Variants in FBXL13 observed in about 807,000 individuals in gnomAD.
FBXL13 encodes the protein F-box and leucine rich repeat protein 13, also known as F-box and leucine-rich repeat protein 13.
A neutral mutation model predicts 83.6 loss-of-function variants in FBXL13; 67 were observed. That is an observed-to-expected ratio of 0.80 (90% CI 0.66 to 0.98). FBXL13 has a LOEUF of 0.98. FBXL13 is among the 50% of genes least tolerant of loss of function. The pLI is 0.00. For synonymous variants in FBXL13, 272 were observed against 299.5 expected (o/e 0.91, Z 0.95); for missense variants, 822 against 866.5 (o/e 0.95, Z 0.64).
At chr7:103,014,764 A>C (rs894557834) in intron 6 of FBXL13, among the ~76,000 whole-genome samples, 1 of 151,882 alleles carries the variant, frequency 6.6e-6, no homozygotes, top group African/African-American at 2.4e-5. Flanking sequence ...TCTACTAAAA[A>C]TACAAAAAAT....
intron 11 of FBXL13, among the ~76,000 whole-genome samples, chr7:102,904,590 T>C (rs942652140): frequency 6.6e-6 from 1 of 152,070 alleles, no homozygotes; most frequent in African/African-American, 2.4e-5. Context: ...TCTTTTTGTA[T>C]TGGTTTTTTC....
intron 2 of FBXL13, among the ~76,000 whole-genome samples, chr7:103,052,978 A>C (rs985520698): frequency 2.6e-5 from 4 of 151,562 alleles, no homozygotes; most frequent in Non-Finnish European, 4.4e-5. Flanking sequence ...GCTGGTCTCA[A>C]GCTCCTGACC....
In FBXL13 at chr7:102,934,034, G is replaced by C. The variant is rs758716709; in HGVS notation, c.725-2101C>G. The stretch of plus-strand genomic sequence containing the variant: ...TGGCCGGGCGGGTGGAGGCCGGAGA[G>C]GCTCCAACCCGGTCAAACGCTACGC... On this transcript the variant is annotated intron_variant, in intron 8 of 19. Transcript: ENST00000313221. The C allele has an allele frequency of 1.4e-5, 23 of 1,613,940 alleles. No homozygotes were observed. In the South Asian group the frequency reaches 1.9e-4, roughly 13 times the overall value.
chr7:103,054,873 G>C (rs1395212976), intron 2 of FBXL13, among the ~76,000 whole-genome samples: 2 of 152,080 alleles, frequency 1.3e-5, no homozygotes, highest in Non-Finnish European at 2.9e-5. Flanking sequence ...AGGAACAAAT[G>C]CCTTTGTAAA....
chr7:103,032,480 C>T (rs955755489), intron 2 of FBXL13, among the ~76,000 whole-genome samples: 7 of 152,110 alleles, frequency 4.6e-5, no homozygotes, highest in African/African-American at 1.4e-4. Flanking sequence ...ATCATTGTAC[C>T]CATGCCATAG....
intron 6 of FBXL13, among the ~76,000 whole-genome samples, chr7:102,977,582 C>A (rs1021462665): frequency 4.6e-5 from 7 of 152,176 alleles, no homozygotes; most frequent in Admixed American, 1.3e-4. Flanking sequence ...TTGGGCTCCT[C>A]CTTTTTCTCC....
At chr7:103,068,835 C>T (rs1798642252) in intron 1 of FBXL13, among the ~76,000 whole-genome samples, 1 of 152,202 alleles carries the variant, frequency 6.6e-6, no homozygotes, top group Admixed American at 6.5e-5. Context: ...ACATCAACTC[C>T]TACAAGGCAG....
At chr7:103,029,388 T>C (rs767412854) in exon 3 of FBXL13, 14 of 1,538,418 alleles carry the variant, frequency 9.1e-6, no homozygotes, top group Non-Finnish European at 1.1e-5. Flanking sequence ...GTATAAAAGC[T>C]ACAGGCTTTT....
chr7:103,062,528 A>T (rs1798020925), intron 1 of FBXL13, among the ~76,000 whole-genome samples: 1 of 152,162 alleles, frequency 6.6e-6, no homozygotes, highest in Admixed American at 6.5e-5. Flanking sequence ...GAAATGAAGA[A>T]TACAAGGAGA....
intron 10 of FBXL13, among the ~76,000 whole-genome samples, chr7:102,914,213 C>G (rs1269982491): frequency 6.6e-6 from 1 of 152,200 alleles, no homozygotes; most frequent in Non-Finnish European, 1.5e-5. Flanking sequence ...GCTGGGATTA[C>G]AGGCGCGTGC....
chr7:102,942,248 G>A, intron 8 of FBXL13: 1 of 1,518,110 alleles, frequency 6.6e-7, no homozygotes, highest in Non-Finnish European at 9.0e-7. Flanking sequence ...AAGGCAAAAT[G>A]ACCTAAAGAA....
At chr7:102,868,282 C>T (rs1005630832) in intron 16 of FBXL13, among the ~76,000 whole-genome samples, 1 of 152,076 alleles carries the variant, frequency 6.6e-6, no homozygotes, top group Non-Finnish European at 1.5e-5. Flanking sequence ...TAACTTTGTA[C>T]CTATTGACCA....
chr7:102,905,018 T>C (rs1013381090), intron 11 of FBXL13, among the ~76,000 whole-genome samples: 1 of 152,210 alleles, frequency 6.6e-6, no homozygotes, highest in East Asian at 1.9e-4. Flanking sequence ...TAAGATTTGT[T>C]TTGTGAACTA....
At chr7:103,059,875 T>C (rs1284472356) in intron 1 of FBXL13, among the ~76,000 whole-genome samples, 4 of 151,664 alleles carry the variant, frequency 2.6e-5, no homozygotes, top group African/African-American at 9.7e-5. Flanking sequence ...ATGCAACCAT[T>C]GACAAATTAC....
intron 9 of FBXL13, among the ~76,000 whole-genome samples, chr7:102,931,226 G>A (rs891398233): frequency 2.0e-5 from 3 of 152,242 alleles, no homozygotes; most frequent in African/African-American, 7.2e-5. Context: ...AAACTCAGCA[G>A]CTGTAGGCAC....
intron 16 of FBXL13, among the ~76,000 whole-genome samples, chr7:102,867,087 C>T (rs1312499304): frequency 6.6e-6 from 1 of 152,206 alleles, no homozygotes; most frequent in East Asian, 1.9e-4. Flanking sequence ...GGCATGACAG[C>T]TGACGCCTAA....
At chr7:102,927,883 A>G (rs1411772254) in intron 9 of FBXL13, among the ~76,000 whole-genome samples, 4 of 152,250 alleles carry the variant, frequency 2.6e-5, no homozygotes, top group African/African-American at 9.6e-5. Context: ...TCTGTCTTTG[A>G]AAACGTTTGG....
chr7:103,029,288 T>G, intron 3 of FBXL13, 63 bp downstream of exon 4: 1 of 1,027,720 alleles, frequency 9.7e-7, no homozygotes, highest in East Asian at 2.8e-5. Flanking sequence ...AATTTTTCTT[T>G]GCACGGAGAA....
chr7:103,022,603 G>C (rs577721611), intron 6 of FBXL13, among the ~76,000 whole-genome samples: 10 of 151,996 alleles, frequency 6.6e-5, no homozygotes, highest in Non-Finnish European at 1.5e-4. Flanking sequence ...AATGATACTG[G>C]GATAACTGGC....
Sources: gnomAD v4.1 joint callset for allele counts (sites outside exome capture counted in the v4.1 genomes callset) on GRCh38, gnomAD v4.1.1 for gene constraint, MANE v1.5 for transcripts, NCBI Gene and HGNC (gene_info 2026-07-23, HGNC 2026-07-21) for gene names.